The following TENM3 variants were observed in gnomAD, a reference collection of about 807,000 sequenced individuals.
The protein encoded by TENM3 is teneurin transmembrane protein 3, also known as teneurin-3.
Under a neutral mutation model 255.1 loss-of-function variants are expected in TENM3, and 63 were observed. The ratio of observed to expected loss-of-function variants is 0.25; its 90% CI spans 0.20 to 0.30. The LOEUF (loss-of-function observed/expected upper bound fraction) is 0.30. TENM3 is among the 10% of genes least tolerant of loss of function. TENM3 has a pLI of 1.00. For missense variants in TENM3, 2,929 were observed against 3,461.1 expected (o/e 0.85, Z 3.86); for synonymous variants, 1,306 against 1,322.3 (o/e 0.99, Z 0.27).
At chr4:182,519,398 C>A (rs1236258888) in intron 3 of TENM3, among the ~76,000 whole-genome samples, 1 of 152,106 alleles carries the variant, frequency 6.6e-6, no homozygotes, top group East Asian at 1.9e-4. Context: ...AACTCACATC[C>A]CACTACTCAG....
rs566684882 is a variant in TENM3 at position 182,761,256 on chromosome 4, T to C, written c.4892+5997T>C. ...CAACATGGTGAAACCCTGTCTCTAC[T>C]AGAAATACAAAAATTAGCCGGGCGT... On this transcript the variant is annotated intron_variant, in intron 22 of 27. Coordinates refer to ENST00000511685, the MANE Select transcript of TENM3 (RefSeq NM_001080477.4). 3.3e-5 allele frequency among the ~76,000 whole-genome samples: 5 copies of C among 152,108 alleles called. No individual in the cohort carries two copies. In the South Asian group the frequency reaches 8.3e-4, roughly 25 times the overall value.
At chr4:182,645,119 T>C (rs576814646) in intron 5 of TENM3, among the ~76,000 whole-genome samples, 235 of 151,874 alleles carry the variant, frequency 1.5e-3, no homozygotes, top group Non-Finnish European at 2.3e-3. Context: ...TTTCTGTTCA[T>C]GATATCAGTG....
At chr4:182,764,306 T>C (rs1451697814) in intron 22 of TENM3, among the ~76,000 whole-genome samples, 1 of 152,270 alleles carries the variant, frequency 6.6e-6, no homozygotes, top group South Asian at 2.1e-4. Context: ...TAAGAATTTA[T>C]TATGTGCCAG....
At chr4:181,808,081 C>A in the TENM3 span, among the ~76,000 whole-genome samples, 20 of 152,290 alleles carry the variant, frequency 1.3e-4, 1 homozygote, top group African/African-American at 4.8e-4. Context: ...TCCACCACTG[C>A]CTTCCAGTGC....
chr4:181,474,082 G>A, the TENM3 span, among the ~76,000 whole-genome samples: 147 of 152,050 alleles, frequency 9.7e-4, 1 homozygote, highest in Non-Finnish European at 1.9e-3. Flanking sequence ...AACACCACAT[G>A]TTTTCACTCA....
chr4:182,658,219 A>G (rs1472887585), intron 6 of TENM3, among the ~76,000 whole-genome samples: 11 of 152,274 alleles, frequency 7.2e-5, no homozygotes, highest in East Asian at 1.9e-4. Flanking sequence ...TCCTGTTGCA[A>G]TAGTCTTTCC....
chr4:182,750,539 C>T (rs1762296370), intron 19 of TENM3, among the ~76,000 whole-genome samples: 1 of 152,178 alleles, frequency 6.6e-6, no homozygotes, highest in Non-Finnish European at 1.5e-5. Flanking sequence ...GACGGAAAAT[C>T]ATCAAGTAGT....
intron 1 of TENM3, among the ~76,000 whole-genome samples, chr4:182,270,166 G>A (rs1433215124): frequency 6.6e-6 from 1 of 152,132 alleles, no homozygotes; most frequent in Non-Finnish European, 1.5e-5. Context: ...AGCCTTCAGA[G>A]AGAATAGATG....
At chr4:181,975,249 T>C in the TENM3 span, 22,074 of 151,520 alleles carry the variant, frequency 0.15, 1,963 homozygotes, top group South Asian at 0.31. Context: ...GCTATTCTCG[T>C]GCCTCAGCCT....
the TENM3 span, among the ~76,000 whole-genome samples, chr4:182,032,154 C>CTTTTGCTGGAA: frequency 2.6e-5 from 4 of 152,238 alleles, no homozygotes; most frequent in African/African-American, 9.6e-5. Context: ...ATGCTTCCAG[C>CTTTTGCTGGAA]TTTTGCCCAT....
At chr4:182,295,232 G>A (rs1051415225) in intron 1 of TENM3, among the ~76,000 whole-genome samples, 7 of 148,996 alleles carry the variant, frequency 4.7e-5, no homozygotes, top group Non-Finnish European at 1.0e-4. Context: ...AATATATATG[G>A]AAACAAGTGG....
At chr4:181,565,216 C>T in the TENM3 span, among the ~76,000 whole-genome samples, 1 of 152,308 alleles carries the variant, frequency 6.6e-6, no homozygotes, top group Non-Finnish European at 1.5e-5. Flanking sequence ...CCATGACCTT[C>T]ATCAGAGGGC....
At chr4:181,689,209 A>G in the TENM3 span, among the ~76,000 whole-genome samples, 1 of 152,226 alleles carries the variant, frequency 6.6e-6, no homozygotes, top group African/African-American at 2.4e-5. Flanking sequence ...AATTTATTGC[A>G]CAAAATCTCG....
the TENM3 span, among the ~76,000 whole-genome samples, chr4:181,938,897 G>T: frequency 6.6e-6 from 1 of 152,124 alleles, no homozygotes; most frequent in African/African-American, 2.4e-5. Context: ...TTTGGAAAAG[G>T]CTCAAAGTCC....
chr4:181,920,520 C>A, the TENM3 span, among the ~76,000 whole-genome samples: 1 of 152,202 alleles, frequency 6.6e-6, no homozygotes, highest in Non-Finnish European at 1.5e-5. Flanking sequence ...TTTTTGGCTG[C>A]ATAAATGTCT....
chr4:181,532,439 C>T, the TENM3 span, among the ~76,000 whole-genome samples: 1 of 152,096 alleles, frequency 6.6e-6, no homozygotes, highest in Non-Finnish European at 1.5e-5. Context: ...ATCATGCCAT[C>T]TCCTGAAATA....
the TENM3 span, among the ~76,000 whole-genome samples, chr4:181,799,052 A>G: frequency 6.6e-6 from 1 of 152,224 alleles, no homozygotes; most frequent in East Asian, 1.9e-4. Flanking sequence ...TGGAAAAATA[A>G]TGTATACATT....
At chr4:182,145,256 G>A (rs1032570858) in intron 1 of TENM3, 1 of 152,258 alleles carries the variant, frequency 6.6e-6, no homozygotes, top group African/African-American at 2.4e-5. Context: ...AGCGATCAGG[G>A]AGCCAAGTTG....
chr4:182,063,595 C>T, the TENM3 span, among the ~76,000 whole-genome samples: 1 of 152,100 alleles, frequency 6.6e-6, no homozygotes. Flanking sequence ...TTATAAATAA[C>T]CTTAACAAAC....
Sources: allele counts gnomAD v4.1 joint callset (sites outside exome capture counted in the v4.1 genomes callset), GRCh38; gene constraint gnomAD v4.1.1; transcripts MANE v1.5; gene names NCBI Gene and HGNC (gene_info 2026-07-23, HGNC 2026-07-21).